CGGBP1: variants seen among roughly 807,000 people sequenced by gnomAD.
The protein encoded by CGGBP1 is CGG triplet repeat binding protein 1, also known as CGG triplet repeat-binding protein 1.
A neutral mutation model predicts 11.4 loss-of-function variants in CGGBP1; 4 were observed. That is an observed-to-expected ratio of 0.35 (90% CI 0.17 to 0.80). CGGBP1 has a LOEUF of 0.80. Among genes scored for constraint, CGGBP1 ranks in the 30% least tolerant of loss-of-function variants. The probability of loss-of-function intolerance (pLI) is 0.52; values close to 1 mark genes in which losing one functional copy is unlikely to be tolerated. For missense variants in CGGBP1, 135 were observed against 202.1 expected (o/e 0.67, Z 2.01); for synonymous variants, 76 against 74.1 (o/e 1.03, Z -0.13).
chr3:88,095,535 AG>A, intron 2 of CGGBP1: 1 of 498,560 alleles, frequency 2.0e-6, no homozygotes, highest in Admixed American at 2.2e-5. Context: ...TGCAAGAACC[AG>A]GTCTGCTTCA....
chr3:88,108,088 C>T (rs1303211619), intron 2 of CGGBP1, among the ~76,000 whole-genome samples: 3 of 151,854 alleles, frequency 2.0e-5, no homozygotes, highest in Non-Finnish European at 2.9e-5. Flanking sequence ...TGTCAGGTGC[C>T]TGGAGATATT....
At chr3:88,083,941 T>TATATATATATATATATATA (rs1708208971) in intron 2 of CGGBP1, among the ~76,000 whole-genome samples, 26 of 147,782 alleles carry the variant, frequency 1.8e-4, no homozygotes, top group Non-Finnish European at 3.3e-4. Context: ...TGTACTTATT[T>TATATATATATATATATATA]TATATATATA....
chr3:88,141,804 T>A (rs947659540), intron 1 of CGGBP1: 2 of 529,146 alleles, frequency 3.8e-6, no homozygotes, highest in African/African-American at 3.9e-5. Context: ...TTTTCTAGAA[T>A]GAACTCACAG....
intron 1 of CGGBP1, among the ~76,000 whole-genome samples, chr3:88,141,360 ATTC>A (rs1707119800): frequency 6.6e-6 from 1 of 152,082 alleles, no homozygotes; most frequent in Non-Finnish European, 1.5e-5. Flanking sequence ...ATCAAAGGTT[ATTC>A]TTCATTCCAA....
intron 2 of CGGBP1, among the ~76,000 whole-genome samples, chr3:88,136,435 CTCAGTACTGTGAAGAG>C (rs1706787861): frequency 6.6e-6 from 1 of 152,066 alleles, no homozygotes; most frequent in Non-Finnish European, 1.5e-5. Flanking sequence ...ATTCAATTGC[CTCAGTACTGTGAAGAG>C]TCATAAATAC....
At chr3:88,080,644 T>C (rs190918014) in intron 2 of CGGBP1, among the ~76,000 whole-genome samples, 3 of 152,250 alleles carry the variant, frequency 2.0e-5, no homozygotes, top group East Asian at 3.9e-4. Context: ...ATTTACCTGC[T>C]TTATTTTTCC....
At chr3:88,092,532 G>A (rs1030403600) in intron 2 of CGGBP1, among the ~76,000 whole-genome samples, 2 of 152,072 alleles carry the variant, frequency 1.3e-5, no homozygotes, top group African/African-American at 4.8e-5. Flanking sequence ...CTTAGATGAA[G>A]GAGCAGAAGA....
At chr3:88,088,698 T>C (rs1708464852) in intron 2 of CGGBP1, among the ~76,000 whole-genome samples, 1 of 147,854 alleles carries the variant, frequency 6.8e-6, no homozygotes, top group Non-Finnish European at 1.5e-5. Flanking sequence ...TTAGAATATA[T>C]TATTTAGATT....
At chr3:88,146,167 T>C (rs1707309159) in intron 1 of CGGBP1, among the ~76,000 whole-genome samples, 1 of 152,122 alleles carries the variant, frequency 6.6e-6, no homozygotes, top group African/African-American at 2.4e-5. Context: ...TTGTTAGAAA[T>C]GCTAAATTGT....
At chr3:88,119,085 C>T (rs1284931599) in intron 2 of CGGBP1, among the ~76,000 whole-genome samples, 2 of 149,480 alleles carry the variant, frequency 1.3e-5, no homozygotes, top group Non-Finnish European at 3.0e-5. Flanking sequence ...CACATGCACA[C>T]GTATGTTTAC....
At chr3:88,080,350 T>C (rs541098606) in intron 2 of CGGBP1, among the ~76,000 whole-genome samples, 38 of 152,272 alleles carry the variant, frequency 2.5e-4, no homozygotes, top group African/African-American at 8.7e-4. Context: ...TTTTCTTTTC[T>C]TAAAACAAGG....
chr3:88,149,849 T>A, exon 1 of CGGBP1: 2 of 604,360 alleles, frequency 3.3e-6, no homozygotes, highest in Non-Finnish European at 5.8e-6. Flanking sequence ...CTTCACTCCG[T>A]CCCCAGCCCG....
chr3:88,061,077 T>C (rs141218303), upstream of CGGBP1, among the ~76,000 whole-genome samples: 183 of 152,276 alleles, frequency 1.2e-3, 1 homozygote, highest in Non-Finnish European at 2.0e-3. Flanking sequence ...AGAGGTTCAG[T>C]GTCTTGTTTT....
chr3:88,141,618 C>A (rs7432826), intron 1 of CGGBP1: 1,304,641 of 1,445,116 alleles, frequency 0.9, 590,316 homozygotes, highest in African/African-American at 0.98. Flanking sequence ...ATAAAACTTG[C>A]ATTAACAGAT....
At chr3:88,079,145 C>T (rs1486123125) in intron 2 of CGGBP1, among the ~76,000 whole-genome samples, 1 of 152,036 alleles carries the variant, frequency 6.6e-6, no homozygotes, top group African/African-American at 2.4e-5. Flanking sequence ...CCTAAAGTAA[C>T]TTCAGGCTAC....
At chr3:88,095,807 G>A in intron 2 of CGGBP1, 1 of 443,280 alleles carries the variant, frequency 2.3e-6, no homozygotes, top group Non-Finnish European at 4.3e-6. Flanking sequence ...GGCAATCCAA[G>A]TTTTTCTCAG....
rs1340320024 is a variant in CGGBP1, at chr3:88,053,279, A to G, written c.*2194T>C. On this transcript the variant is annotated 3_prime_UTR_variant, in exon 4 of 4. Transcript: ENST00000482016. ...ACACAGTTAACTAGCTTCAGGGAAC[A>G]AAAGTTCCATAATCAATGAAGAAAC... 2 of 152,180 alleles carry G rather than the reference A, an allele frequency of 1.3e-5. No homozygotes were observed. The highest frequency in any genetic ancestry group is 4.8e-5 in the African/African-American group (2 of 41,462). The allele number at this position is 152,180 out of a possible 1,614,324, so 9.4% of individuals were successfully genotyped here. A position where few individuals can be genotyped will look rare whatever the true frequency, so the allele number is the denominator to read the frequency against.
intron 2 of CGGBP1, among the ~76,000 whole-genome samples, chr3:88,091,596 C>T (rs1708633308): frequency 1.3e-5 from 2 of 152,110 alleles, no homozygotes; most frequent in Admixed American, 1.3e-4. Context: ...TATGGTTTCA[C>T]TGTGTCCCCA....
rs1706446748 is a variant in CGGBP1, at chr3:88,052,332, C to G, written c.*3141G>C. The G allele has an allele frequency of 6.6e-6, 1 of 152,342 alleles. No homozygotes were observed. The highest frequency in any genetic ancestry group is 1.5e-5 in the Non-Finnish European group (1 of 67,956). The allele number at this position is 152,342 out of a possible 1,614,324, so 9.4% of individuals were successfully genotyped here. On this transcript the variant is annotated 3_prime_UTR_variant, in exon 4 of 4. Transcript: ENST00000482016. ...CTAAGATTGGCAAAAAATCATAGAC[C>G]CAATTTTCCTTGTTATGAATCAAAT...
Sources: gnomAD v4.1 joint callset for allele counts (sites outside exome capture counted in the v4.1 genomes callset) on GRCh38, gnomAD v4.1.1 for gene constraint, MANE v1.5 for transcripts, NCBI Gene and HGNC (gene_info 2026-07-23, HGNC 2026-07-21) for gene names.